The following NDUFAF6 variants were observed in gnomAD, a reference collection of about 807,000 sequenced individuals.
NDUFAF6 encodes the protein NADH dehydrogenase (ubiquinone) complex I, assembly factor 6.
A neutral mutation model predicts 40.8 loss-of-function variants in NDUFAF6; 45 were observed. The observed-to-expected ratio is 1.10, with a 90% CI of 0.87 to 1.42. NDUFAF6 has a LOEUF of 1.42. Ranked by LOEUF, NDUFAF6 falls within the 40% of genes most tolerant of loss-of-function variation. NDUFAF6 has a pLI of 0.00. For synonymous variants in NDUFAF6, 185 were observed against 155.9 expected, an observed-to-expected ratio of 1.19 and a Z score of -1.39; for missense variants, 435 against 418.5, an observed-to-expected ratio of 1.04 and a Z score of -0.34.
At chr8:94,936,081 A>G (rs1820947182) in intron 1 of NDUFAF6, among the ~76,000 whole-genome samples, 1 of 152,240 alleles carries the variant, frequency 6.6e-6, no homozygotes, top group Admixed American at 6.5e-5. Flanking sequence ...AACACCTCTC[A>G]GTAACAACTA....
At chr8:95,034,257 C>T in intron 2 of NDUFAF6, 1 of 333,594 alleles carries the variant, frequency 3.0e-6, no homozygotes, top group Non-Finnish European at 6.1e-6. Flanking sequence ...TATATCATGA[C>T]CCTTATCGCT....
At position 95,024,992 on chromosome 8, in the gene NDUFAF6, C is replaced by A; in HGVS notation, c.-17C>A. The A allele has an allele frequency of 7.6e-7, 1 of 1,319,056 alleles. No homozygotes were observed. The highest frequency in any genetic ancestry group is 9.6e-7 in the Non-Finnish European group (1 of 1,040,722). The allele number at this position is 1,319,056 out of a possible 1,614,324, so 81.7% of individuals were successfully genotyped here. On this transcript the variant is annotated 5_prime_UTR_variant, in exon 1 of 9. Transcript: ENST00000396124. Reference sequence around the variant, plus strand: ...GCGCCGACGGCGGGGGGTCGAAGGGCACGCAGTGCCGGCGTCATGGCGGCC... The same window carrying A: ...GCGCCGACGGCGGGGGGTCGAAGGGAACGCAGTGCCGGCGTCATGGCGGCC...
upstream of NDUFAF6, among the ~76,000 whole-genome samples, chr8:94,954,898 G>A (rs558262980): frequency 2.0e-5 from 3 of 152,292 alleles, no homozygotes; most frequent in African/African-American, 7.2e-5. Context: ...TTATAACCTG[G>A]AACTAAATTG....
intron 2 of NDUFAF6, chr8:94,950,330 A>T (rs1822479313): frequency 6.6e-6 from 1 of 152,428 alleles, no homozygotes; most frequent in South Asian, 2.1e-4. Context: ...TGTCCCACAT[A>T]TAGGTGGATT....
Position 95,025,224 on chromosome 8 carries a change from C to T in NDUFAF6, c.197+19C>T. On this transcript the variant is annotated intron_variant, in intron 1 of 8. Coordinates refer to ENST00000396124, the MANE Select transcript of NDUFAF6 (RefSeq NM_152416.4). ...TGCTGCGGTGAGCGAGCACGACCTT[C>T]CCTGGCGCGGCGGGAAGCGGGGTCC... 1.4e-6 allele frequency: 2 copies of T among 1,392,770 alleles called. No homozygotes were observed. Among genetic ancestry groups the T allele is most frequent in the African/African-American group, 3.0e-5 (2 of 65,862 alleles). The allele number at this position is 1,392,770 out of a possible 1,614,324, so 86.3% of individuals were successfully genotyped here. A position where few individuals can be genotyped will look rare whatever the true frequency, so the allele number is the denominator to read the frequency against.
chr8:95,015,545 G>A (rs1280652345), intron 2 of NDUFAF6, among the ~76,000 whole-genome samples: 1 of 152,136 alleles, frequency 6.6e-6, no homozygotes, highest in Non-Finnish European at 1.5e-5. Context: ...ATTCACCTTT[G>A]ACAGCAATAG....
At chr8:95,037,903 C>G (rs1331761418) in intron 3 of NDUFAF6, among the ~76,000 whole-genome samples, 1 of 152,224 alleles carries the variant, frequency 6.6e-6, no homozygotes, top group Non-Finnish European at 1.5e-5. Context: ...ACAAACACCT[C>G]TATACCCTTT....
chr8:94,911,494 T>C (rs1586623624), intron 1 of NDUFAF6, among the ~76,000 whole-genome samples: 1 of 152,254 alleles, frequency 6.6e-6, no homozygotes, highest in African/African-American at 2.4e-5. Flanking sequence ...GCTTCTGGTG[T>C]GTGTTCTCTT....
chr8:95,048,136 A>G (rs1563829973), intron 6 of NDUFAF6, among the ~76,000 whole-genome samples: 1 of 152,052 alleles, frequency 6.6e-6, no homozygotes, highest in Non-Finnish European at 1.5e-5. Context: ...TGAGGCTATA[A>G]TGAGCCATGA....
rs183013817 is a variant in NDUFAF6, at chr8:94,987,956, C to T, written c.-84+6983C>T. On this transcript the variant is annotated intron_variant, in intron 2 of 9. Transcript: ENST00000396111. Reference sequence around the variant, plus strand: ...CTCCCCTACCTCTCAAAGGTCTCATCTAAGTGTGTATAAAGCTGTTAAATA... The same window carrying T: ...CTCCCCTACCTCTCAAAGGTCTCATTTAAGTGTGTATAAAGCTGTTAAATA... Among the ~76,000 whole-genome samples, 652 of 152,266 alleles carry T rather than the reference C, an allele frequency of 4.3e-3. 10 individuals are homozygous for T. Among genetic ancestry groups the T allele is most frequent in the Non-Finnish European group, 4.9e-3 (331 of 68,038 alleles).
intron 1 of NDUFAF6, among the ~76,000 whole-genome samples, chr8:94,933,019 C>G (rs1258118143): frequency 1.3e-5 from 2 of 152,050 alleles, no homozygotes; most frequent in Non-Finnish European, 2.9e-5. Context: ...GAGTTTGAGA[C>G]CAGCCTGGCC....
At chr8:95,036,278 A>G (rs1399198355) in intron 3 of NDUFAF6, 8 of 1,266,516 alleles carry the variant, frequency 6.3e-6, no homozygotes, top group Non-Finnish European at 8.2e-6. Flanking sequence ...TTCATCACTG[A>G]TCTGTGTCCC....
intron 1 of NDUFAF6, among the ~76,000 whole-genome samples, chr8:94,935,819 C>G (rs952572952): frequency 2.6e-5 from 4 of 152,190 alleles, no homozygotes; most frequent in Non-Finnish European, 5.9e-5. Context: ...GAAGTTATAT[C>G]CCCTTTACCT....
intron 1 of NDUFAF6, among the ~76,000 whole-genome samples, chr8:94,901,786 T>C (rs548441396): frequency 2.0e-5 from 3 of 152,150 alleles, no homozygotes; most frequent in Non-Finnish European, 4.4e-5. Context: ...GGTTTCGCCA[T>C]GTTGGCCAGG....
downstream of NDUFAF6, chr8:95,078,662 A>ATATATATATATATATAT (rs1554689343): frequency 3.6e-4 from 43 of 121,026 alleles, no homozygotes; most frequent in African/African-American, 1.3e-3. Context: ...AAAAAAAAAA[A>ATATATATATATATATAT]ATATATATAT....
At chr8:95,099,338 GAA>G (rs10647991), upstream of NDUFAF6, among the ~76,000 whole-genome samples, 2 of 141,074 alleles carry the variant, frequency 1.4e-5, no homozygotes, top group African/African-American at 5.2e-5. Flanking sequence ...CTTCCAGCTG[GAA>G]AAAAAAAAAA....
chr8:94,974,250 GAAAA>G (rs542718809), intron 1 of NDUFAF6, among the ~76,000 whole-genome samples: 2 of 142,890 alleles, frequency 1.4e-5, no homozygotes, highest in African/African-American at 5.1e-5. Context: ...TTATTATAAG[GAAAA>G]AAAAAAACCA....
intron 2 of NDUFAF6, among the ~76,000 whole-genome samples, chr8:95,009,461 A>C (rs763099530): frequency 6.6e-6 from 1 of 152,170 alleles, no homozygotes; most frequent in Non-Finnish European, 1.5e-5. Flanking sequence ...TGGCTGTTCC[A>C]TGGTGTTGAT....
Position 95,045,584 on chromosome 8 carries a change from G to T in NDUFAF6, c.517G>T (p.Glu173Ter), listed in dbSNP as rs755570897. Residue 173 changes from glutamate to a stop codon, truncating the protein, a stop_gained, in exon 5 of 9, where the codon GAA (glutamate) becomes TAA (stop). Transcript: ENST00000396124. LOFTEE classifies it high-confidence loss of function. ...LDDKAYRNIKELENYAENTQS... is the reference protein window; with the variant it reads ...LDDKAYRNIK Reference sequence around the variant, plus strand: ...TGACAAAGCATATCGTAATATCAAGGAACTGGAAAATTATGCTGAAAACAC... The same window carrying T: ...TGACAAAGCATATCGTAATATCAAGTAACTGGAAAATTATGCTGAAAACAC... The T allele has an allele frequency of 9.9e-6, 16 of 1,613,470 alleles. No homozygotes were observed. Among genetic ancestry groups the T allele is most frequent in the Non-Finnish European group, 1.4e-5 (16 of 1,179,672 alleles).
Sources: gnomAD v4.1 joint callset for allele counts (sites outside exome capture counted in the v4.1 genomes callset) on GRCh38, gnomAD v4.1.1 for gene constraint, MANE v1.5 for transcripts, NCBI Gene and HGNC (gene_info 2026-07-23, HGNC 2026-07-21) for gene names.